CXCL17: variants seen among roughly 807,000 people sequenced by gnomAD.
CXCL17 encodes C-X-C motif chemokine 17.
A neutral mutation model predicts 15.5 loss-of-function variants in CXCL17; 9 were observed. The observed-to-expected ratio is 0.58, with a 90% confidence interval of 0.35 to 1.01. CXCL17 has a LOEUF of 1.01. Ranked by LOEUF, CXCL17 falls within the 50% of genes least tolerant of loss-of-function variation. The pLI is 0.02. For synonymous variants in CXCL17, 52 were observed against 52.3 expected (o/e 0.99, Z 0.02); for missense variants, 133 against 138.2 (o/e 0.96, Z 0.19).
At chr19:42,438,469 GTC>G (rs531930869) in intron 1 of CXCL17, among the ~76,000 whole-genome samples, 6 of 142,316 alleles carry the variant, frequency 4.2e-5, no homozygotes, top group African/African-American at 7.9e-5. Flanking sequence ...CGTGAATGTG[GTC>G]TCTCTCTCTC....
chr19:42,429,868 G>A (rs921378284), intron 3 of CXCL17, among the ~76,000 whole-genome samples: 4 of 152,046 alleles, frequency 2.6e-5, no homozygotes, highest in East Asian at 1.9e-4. Context: ...TGCCTTAGTC[G>A]GCACCTTTAA....
chr19:42,438,655 C>T (rs530444884), intron 1 of CXCL17, among the ~76,000 whole-genome samples: 1 of 152,006 alleles, frequency 6.6e-6, no homozygotes, highest in African/African-American at 2.4e-5. Context: ...TCAGTCAGTG[C>T]CCATAGTCTG....
At chr19:42,432,350 G>A (rs2040791885) in intron 3 of CXCL17, among the ~76,000 whole-genome samples, 1 of 151,900 alleles carries the variant, frequency 6.6e-6, no homozygotes, top group Non-Finnish European at 1.5e-5. Context: ...TCACCATGTT[G>A]GCCAGGCTGG....
At chr19:42,442,526 G>A (rs1268892826) in intron 1 of CXCL17, among the ~76,000 whole-genome samples, 5 of 152,116 alleles carry the variant, frequency 3.3e-5, no homozygotes, top group Admixed American at 2.6e-4. Flanking sequence ...GAGCCACCGC[G>A]CCCGGCCAGT....
chr19:42,441,814 G>C (rs921964964), intron 1 of CXCL17, among the ~76,000 whole-genome samples: 5 of 152,204 alleles, frequency 3.3e-5, no homozygotes, highest in African/African-American at 1.2e-4. Flanking sequence ...CCACTTTATA[G>C]TGAAAGCTGG....
chr19:42,441,662 C>T (rs745589623), intron 1 of CXCL17, among the ~76,000 whole-genome samples: 6 of 152,162 alleles, frequency 3.9e-5, no homozygotes, highest in Non-Finnish European at 7.3e-5. Flanking sequence ...GAGAATGCCT[C>T]CTGATTTTAG....
At chr19:42,430,404 T>G (rs2040766442) in intron 3 of CXCL17, among the ~76,000 whole-genome samples, 5 of 152,074 alleles carry the variant, frequency 3.3e-5, no homozygotes, top group Admixed American at 6.6e-5. Flanking sequence ...GAGACCAGCC[T>G]GACCAACATG....
chr19:42,442,098 T>C (rs2040897686), intron 1 of CXCL17, among the ~76,000 whole-genome samples: 2 of 152,186 alleles, frequency 1.3e-5, no homozygotes, highest in Admixed American at 1.3e-4. Flanking sequence ...AGAATTATGT[T>C]ACTCTTTTGG....
At chr19:42,438,381 A>AAAAAAAAT (rs1555793041) in intron 1 of CXCL17, among the ~76,000 whole-genome samples, 15 of 63,852 alleles carry the variant, frequency 2.3e-4, no homozygotes, top group African/African-American at 3.8e-4. Flanking sequence ...AAAAAAAAAA[A>AAAAAAAAT]ATATATATAT....
intron 1 of CXCL17, among the ~76,000 whole-genome samples, chr19:42,440,327 G>A (rs2040879276): frequency 6.6e-6 from 1 of 152,166 alleles, no homozygotes; most frequent in Admixed American, 6.5e-5. Flanking sequence ...TATTGAGCAT[G>A]TATGTGATTA....
chr19:42,436,356 C>T lies in CXCL17; in HGVS notation c.80-2500G>A, dbSNP rs140151258. Among the ~76,000 whole-genome samples, 59 of 152,276 alleles carry T rather than the reference C, an allele frequency of 3.9e-4. 1 individual carries two copies. The highest frequency in any genetic ancestry group is 1.4e-3 in the African/African-American group (57 of 41,564). On this transcript the variant is annotated intron_variant, in intron 1 of 3. Transcript: ENST00000601181. Reference sequence around the variant, plus strand: ...GTAATTTAAGCAGGCATAGGTCCTGCCATTTAAACTTTTCTAACATTTTTA... The same window carrying T: ...GTAATTTAAGCAGGCATAGGTCCTGTCATTTAAACTTTTCTAACATTTTTA...
At chr19:42,439,608 A>G (rs1352073763) in intron 1 of CXCL17, among the ~76,000 whole-genome samples, 1 of 152,226 alleles carries the variant, frequency 6.6e-6, no homozygotes, top group Admixed American at 6.5e-5. Flanking sequence ...AAGTGCTTAA[A>G]GTGAACCTCA....
Position 42,428,923 on chromosome 19 carries a change from G to T in CXCL17, c.321C>A (p.Leu107=). The change falls in exon 4 of 4, where the codon CTC becomes CTA. Residue 107 remains leucine, a synonymous_variant. Coordinates refer to ENST00000601181, the MANE Select transcript of CXCL17 (RefSeq NM_198477.3). ...NKHSRACQQF[L]KQCQLRSFAL... The stretch of plus-strand genomic sequence containing the variant: ...CAAAGCTTCTTAGCTGACATTGTTT[G>T]AGAAATTGCTGGCAGGCTCTGGAAT... 6.2e-7 allele frequency: 1 copy of T among 1,614,172 alleles called. No individual in the cohort carries two copies. The highest frequency in any genetic ancestry group is 1.1e-5 in the South Asian group (1 of 91,076).
At chr19:42,430,744 A>G (rs545533413) in intron 3 of CXCL17, among the ~76,000 whole-genome samples, 5 of 152,050 alleles carry the variant, frequency 3.3e-5, no homozygotes, top group East Asian at 3.9e-4. Flanking sequence ...TTTACCACCT[A>G]TGTGTATAGA....
chr19:42,433,064 T>C lies in CXCL17; in HGVS notation c.174A>G (p.Arg58=), dbSNP rs768935009. Residue 58 remains arginine, a synonymous_variant, in exon 3 of 4, where the codon AGA becomes AGG. Coordinates refer to ENST00000601181, the MANE Select transcript of CXCL17 (RefSeq NM_198477.3). ...CTGTCATGAATTTTCTTCTCGGGGC[T>C]CTCAGGAACCAATCTGGAACAACAG... ...QECECKDWFL[R]APRRKFMTVS... 1.1e-5 allele frequency: 17 copies of C among 1,613,252 alleles called. No individual in the cohort carries two copies. In the Admixed American group the frequency reaches 1.2e-4, roughly 11 times the overall value.
At chr19:42,431,863 A>G (rs1372569696) in intron 3 of CXCL17, among the ~76,000 whole-genome samples, 1 of 151,932 alleles carries the variant, frequency 6.6e-6, no homozygotes, top group African/African-American at 2.4e-5. Flanking sequence ...TTTGACAGTA[A>G]TTAGTTTTTC....
intron 3 of CXCL17, among the ~76,000 whole-genome samples, chr19:42,430,892 C>T (rs901020425): frequency 6.6e-6 from 1 of 152,044 alleles, no homozygotes; most frequent in African/African-American, 2.4e-5. Context: ...GGCTGGAGTG[C>T]AGTGGCGTGA....
chr19:42,435,539 A>G (rs2040825685), intron 1 of CXCL17, among the ~76,000 whole-genome samples: 1 of 152,056 alleles, frequency 6.6e-6, no homozygotes, highest in African/African-American at 2.4e-5. Context: ...CCTTATAAGA[A>G]AAGGAGATTT....
chr19:42,431,810 G>A (rs2040784429), intron 3 of CXCL17, among the ~76,000 whole-genome samples: 1 of 151,890 alleles, frequency 6.6e-6, no homozygotes, highest in Admixed American at 6.6e-5. Context: ...TGAGTAGCTA[G>A]GATTATAGGC....
Sources: gnomAD v4.1 joint callset for allele counts (sites outside exome capture counted in the v4.1 genomes callset) on GRCh38, gnomAD v4.1.1 for gene constraint, MANE v1.5 for transcripts, NCBI Gene and HGNC (gene_info 2026-07-23, HGNC 2026-07-21) for gene names.